The following UBE2Q2 variants were observed in gnomAD, a reference collection of about 807,000 sequenced individuals.
UBE2Q2 encodes the protein ubiquitin-conjugating enzyme E2 Q2.
A neutral mutation model predicts 59.9 loss-of-function variants in UBE2Q2; 54 were observed. That is an observed-to-expected ratio of 0.90 (90% CI 0.72 to 1.13). The LOEUF is 1.13. Ranked by LOEUF, UBE2Q2 falls within the 50% of genes most tolerant of loss-of-function variation. The probability of loss-of-function intolerance (pLI) is 0.00; values close to 1 mark genes in which losing one functional copy is unlikely to be tolerated. For missense variants in UBE2Q2, 433 were observed against 441.9 expected (o/e 0.98, Z 0.18); for synonymous variants, 165 against 155.2 (o/e 1.06, Z -0.47).
At chr15:75,849,121 GTTGT>G (rs1280010562) in intron 1 of UBE2Q2, among the ~76,000 whole-genome samples, 2 of 152,120 alleles carry the variant, frequency 1.3e-5, no homozygotes, top group African/African-American at 4.8e-5. Context: ...TAGCTACTTG[GTTGT>G]TTATTTGTAA....
intron 8 of UBE2Q2, among the ~76,000 whole-genome samples, chr15:75,879,671 CT>C (rs2141637734): frequency 6.6e-6 from 1 of 152,262 alleles, no homozygotes; most frequent in Admixed American, 6.5e-5. Context: ...TTAAAATGGT[CT>C]GCTGCCCTCC....
At chr15:75,852,665 G>C (rs765500645) in intron 1 of UBE2Q2, among the ~76,000 whole-genome samples, 1 of 152,198 alleles carries the variant, frequency 6.6e-6, no homozygotes, top group Non-Finnish European at 1.5e-5. Context: ...AACTAAAACA[G>C]TAAAAATGGT....
At chr15:75,884,926 A>ACGCATGAGCTACCGCACCCCACCT (rs1595891874) in intron 9 of UBE2Q2, among the ~76,000 whole-genome samples, 1 of 152,170 alleles carries the variant, frequency 6.6e-6, no homozygotes, top group South Asian at 2.1e-4. Flanking sequence ...CTGGGATTAC[A>ACGCATGAGCTACCGCACCCCACCT]AGTCTAAGCC....
chr15:75,870,242 A>AT (rs1897714506), intron 4 of UBE2Q2, among the ~76,000 whole-genome samples: 1 of 152,028 alleles, frequency 6.6e-6, no homozygotes, highest in African/African-American at 2.4e-5. Context: ...TTTTAAAAAA[A>AT]TTTTTGTAGA....
chr15:75,877,916 AT>A, intron 6 of UBE2Q2, 44 bp from the exon 7 acceptor site: 2 of 1,552,538 alleles, frequency 1.3e-6, no homozygotes, highest in Non-Finnish European at 1.8e-6. Context: ...AGTAATAGTT[AT>A]ATGATGAAAT....
chr15:75,872,208 A>G (rs907160302), intron 4 of UBE2Q2, among the ~76,000 whole-genome samples: 5 of 152,174 alleles, frequency 3.3e-5, no homozygotes, highest in African/African-American at 1.2e-4. Flanking sequence ...AGCCGGGGCA[A>G]CGGAGCGAGA....
chr15:75,877,194 C>T lies in UBE2Q2; in HGVS notation c.674-767C>T, dbSNP rs565164841. ...AAAAAAAAAAAAAAAGGGTTATGAC[C>T]GATTCAATTCTAGCATTATGACCGA... On this transcript the variant is annotated intron_variant, in intron 6 of 12. Coordinates refer to ENST00000267938, the MANE Select transcript of UBE2Q2 (RefSeq NM_173469.4). Among the ~76,000 whole-genome samples the T allele has an allele frequency of 1.2e-4, 17 of 143,982 alleles. No individual in the cohort carries two copies. The East Asian group carries it at 1.4e-3, about 12-fold the overall frequency. The allele number at this position is 143,982 out of a possible 152,430, so 94.5% of individuals were successfully genotyped here. A position where few individuals can be genotyped will look rare whatever the true frequency, so the allele number is the denominator to read the frequency against.
intron 3 of UBE2Q2, among the ~76,000 whole-genome samples, chr15:75,861,174 T>A (rs1299967124): frequency 6.6e-6 from 1 of 152,254 alleles, no homozygotes; most frequent in Non-Finnish European, 1.5e-5. Flanking sequence ...CAGTGCCTGG[T>A]GCATAGCACA....
At chr15:75,852,959 T>C (rs1029091947) in intron 1 of UBE2Q2, among the ~76,000 whole-genome samples, 1 of 152,236 alleles carries the variant, frequency 6.6e-6, no homozygotes, top group Non-Finnish European at 1.5e-5. Flanking sequence ...TAAATCAGAT[T>C]ATAGTTCTCA....
intron 9 of UBE2Q2, among the ~76,000 whole-genome samples, chr15:75,885,258 C>CAGT (rs1452872491): frequency 6.6e-6 from 1 of 152,008 alleles, no homozygotes; most frequent in Non-Finnish European, 1.5e-5. Flanking sequence ...GTAAGGACTA[C>CAGT]AGGCGTGCGC....
At chr15:75,898,246 A>G (rs973977246) in intron 12 of UBE2Q2, among the ~76,000 whole-genome samples, 4 of 152,190 alleles carry the variant, frequency 2.6e-5, no homozygotes, top group African/African-American at 9.7e-5. Context: ...CTGGCATTCA[A>G]AAAATATTTA....
chr15:75,881,235 CT>C (rs111487358), intron 8 of UBE2Q2, among the ~76,000 whole-genome samples: 3,201 of 146,038 alleles, frequency 0.022, 28 homozygotes, highest in African/African-American at 0.025. Context: ...GAAATAGAAC[CT>C]TTTTTTTTTT....
At chr15:75,882,025 C>T (rs936640534) in intron 8 of UBE2Q2, among the ~76,000 whole-genome samples, 5 of 152,122 alleles carry the variant, frequency 3.3e-5, no homozygotes, top group Non-Finnish European at 5.9e-5. Flanking sequence ...TTGTCTTCAG[C>T]TATTTGAAGG....
Position 75,854,470 on chromosome 15 carries a change from A to G in UBE2Q2, c.265A>G (p.Thr89Ala). 1.9e-6 allele frequency: 3 copies of G among 1,609,342 alleles called. No individual in the cohort carries two copies. Among genetic ancestry groups the G allele is most frequent in the Non-Finnish European group, 1.7e-6 (2 of 1,177,470 alleles). Residue 89 changes from threonine (T) to alanine (A), a missense_variant, in exon 2 of 13, where the codon ACT (threonine) becomes GCT (alanine). Physicochemically the swap from Thr to Ala is moderately conservative, Grantham distance 58 (BLOSUM62 0). Transcript: ENST00000267938. ...ATCAGTTCTGGAACGTCTAGAAGAT[A>G]CTAAGAACAACAATTTGGTAAGAAA... ...LTSVLERLED[T>A]KNNNLLRQQL...
At chr15:75,875,535 A>G (rs775237590) in intron 5 of UBE2Q2, among the ~76,000 whole-genome samples, 6 of 152,164 alleles carry the variant, frequency 3.9e-5, no homozygotes, top group Non-Finnish European at 5.9e-5. Context: ...ATGGAACTCT[A>G]TTTTAGTAAA....
chr15:75,844,049 T>C, intron 1 of UBE2Q2: 1 of 1,408,368 alleles, frequency 7.1e-7, no homozygotes, highest in Non-Finnish European at 9.2e-7. Flanking sequence ...AGGGCGCGTC[T>C]TTCCGGCTTC....
At chr15:75,863,285 TTG>T (rs1458526734) in intron 3 of UBE2Q2, among the ~76,000 whole-genome samples, 1 of 152,156 alleles carries the variant, frequency 6.6e-6, no homozygotes, top group Non-Finnish European at 1.5e-5. Flanking sequence ...TTTACTGTCA[TTG>T]TCTAGTGGAG....
chr15:75,858,637 T>C (rs1897048413), intron 2 of UBE2Q2, among the ~76,000 whole-genome samples: 1 of 150,988 alleles, frequency 6.6e-6, no homozygotes, highest in Non-Finnish European at 1.5e-5. Context: ...TACTACCCTG[T>C]CTTTCTTGTT....
At position 75,885,359 on chromosome 15, in the gene UBE2Q2, G is replaced by GTTA. The variant is rs1898701103; in HGVS notation, c.884+1935_884+1936insTTA. Reference sequence around the variant, plus strand: ...TCTCTATCTCTTGACCTCGTGATCCGCCTGCCTCAGCCTCCCAAAGTGCTG... The same window carrying GTTA: ...TCTCTATCTCTTGACCTCGTGATCCGTTACCTGCCTCAGCCTCCCAAAGTGCTG... On this transcript the variant is annotated intron_variant, in intron 9 of 12. Coordinates refer to ENST00000267938, the MANE Select transcript of UBE2Q2 (RefSeq NM_173469.4). Among the ~76,000 whole-genome samples the GTTA allele has an allele frequency of 3.9e-5, 6 of 152,050 alleles. No homozygotes were observed. In the East Asian group the frequency reaches 9.7e-4, roughly 25 times the overall value.
Sources: gnomAD v4.1 joint callset for allele counts (sites outside exome capture counted in the v4.1 genomes callset) on GRCh38, gnomAD v4.1.1 for gene constraint, MANE v1.5 for transcripts, NCBI Gene and HGNC (gene_info 2026-07-23, HGNC 2026-07-21) for gene names.